The following CES2 variants were observed in gnomAD, a reference collection of about 807,000 sequenced individuals.
The protein encoded by CES2 is carboxylesterase 2.
A neutral mutation model predicts 52.1 loss-of-function variants in CES2; 42 were observed. The ratio of observed to expected loss-of-function variants is 0.81; its 90% CI spans 0.63 to 1.04. The LOEUF is 1.04. CES2 is among the 50% of genes least tolerant of loss of function. The pLI, the probability that CES2 is intolerant of heterozygous loss-of-function variation, is 0.00. For missense variants in CES2, 656 were observed against 724.3 expected, an observed-to-expected ratio of 0.91 and a Z score of 1.08; for synonymous variants, 277 against 289.6, an observed-to-expected ratio of 0.96 and a Z score of 0.44.
chr16:66,935,869 G>A, intron 1 of CES2, 158 bp downstream of exon 1: 6 of 1,494,784 alleles, frequency 4.0e-6, no homozygotes, highest in Non-Finnish European at 5.3e-6. Flanking sequence ...CCTCCCCGCC[G>A]CCCAAGGTGG....
chr16:66,941,863 G>T lies in CES2; in HGVS notation c.1137+15G>T. 6.2e-7 allele frequency: 1 copy of T among 1,614,046 alleles called. No individual in the cohort carries two copies. The highest frequency in any genetic ancestry group is 8.5e-7 in the Non-Finnish European group (1 of 1,180,004). On this transcript the variant is annotated intron_variant, in intron 8 of 11. Coordinates refer to ENST00000317091, the MANE Select transcript of CES2 (RefSeq NM_001365405.1). ...TAACGCTGCTGGTAAGGCTCCTGGG[G>T]TCCCTCGCCAATGGAGACGGGCTCC...
chr16:66,942,940 G>A lies in CES2; in HGVS notation c.1420+155G>A, dbSNP rs183622869. Among the ~76,000 whole-genome samples, 15 of 152,346 alleles carry A rather than the reference G, an allele frequency of 9.8e-5. No homozygotes were observed. In the South Asian group the frequency reaches 2.5e-3, roughly 25 times the overall value. ...TTTTATAGCTCCAAAAGCTGCACCA[G>A]GATTAGAATTCACGACTCTTCAGAC... On this transcript the variant is annotated intron_variant, in intron 10 of 11. Coordinates refer to ENST00000317091, the MANE Select transcript of CES2 (RefSeq NM_001365405.1).
At chr16:66,942,327 C>A in intron 9 of CES2, 78 bp downstream of exon 9, 1 of 1,463,454 alleles carries the variant, frequency 6.8e-7, no homozygotes, top group Non-Finnish European at 9.3e-7. Context: ...CTGCTGCTGT[C>A]CGGGTCAGCA....
chr16:66,939,827 G>A (rs752488940), intron 3 of CES2, among the ~76,000 whole-genome samples: 17 of 152,200 alleles, frequency 1.1e-4, no homozygotes, highest in Non-Finnish European at 1.9e-4. Context: ...TTAGCCTCCC[G>A]AGTAGCTGGG....
In CES2 at chr16:66,938,193, C is replaced by G. The variant is rs371028613; in HGVS notation, c.233C>G (p.Pro78Arg). 13 of 1,614,052 alleles carry G rather than the reference C, an allele frequency of 8.1e-6. No individual in the cohort carries two copies. The Middle Eastern group carries it at 9.9e-4, about 122-fold the overall frequency. ...CCGCTGCGATTTGCACCCCCTGAGC[C>G]CCCTGAATCTTGGAGTGGTGTGAGG... ...LGPLRFAPPE[P>R]PESWSGVRDG... Residue 78 changes from proline (P) to arginine (R), a missense_variant, in exon 2 of 12, where the codon CCC (proline) becomes CGC (arginine). Transcript: ENST00000317091.
Position 66,941,810 on chromosome 16 carries a change from G to A in CES2, c.1099G>A (p.Ala367Thr). Residue 367 changes from alanine to threonine, a missense_variant, in exon 8 of 12, where the codon GCC becomes ACC. Physicochemically the swap from Ala to Thr is moderately conservative, Grantham distance 58. Transcript: ENST00000317091. ...TACCCAGAAGGAAATGGACAGAGAG[G>A]CCTCCCAGGCTGCTCTGCAGAAAAT... ...YDTQKEMDRE[A>T]SQAALQKMLT... 6.2e-7 allele frequency: 1 copy of A among 1,614,136 alleles called. No individual in the cohort carries two copies. Among genetic ancestry groups the A allele is most frequent in the Non-Finnish European group, 8.5e-7 (1 of 1,180,016 alleles).
chr16:66,934,742 T>A, upstream of CES2: 1 of 214,112 alleles, frequency 4.7e-6, no homozygotes, highest in Non-Finnish European at 9.3e-6. The surrounding 1 kb of genome is among the most constrained non-coding windows in gnomAD (Gnocchi z 4.1). Flanking sequence ...GGACGGTTGG[T>A]CGCCTCTGGC....
chr16:66,939,084 A>G, intron 2 of CES2, 133 bp from the exon 3 acceptor site: 1 of 741,624 alleles, frequency 1.3e-6, no homozygotes, highest in Non-Finnish European at 2.2e-6. Context: ...GTGGGAAGGG[A>G]TTTTTGAGAG....
At position 66,944,291 on chromosome 16, in the gene CES2, A is replaced by T; in HGVS notation, c.*266A>T. On this transcript the variant is annotated 3_prime_UTR_variant, in exon 12 of 12. Coordinates refer to ENST00000317091, the MANE Select transcript of CES2 (RefSeq NM_001365405.1). ...TGAGACCGACCAGCCAGGGCAACAC[A>T]GTGAGACCCCTTCTCAAAAAAAAAA... The T allele has an allele frequency of 4.0e-6, 1 of 250,542 alleles. No homozygotes were observed. The highest frequency in any genetic ancestry group is 7.4e-6 in the Non-Finnish European group (1 of 135,222). 15.5% of individuals were successfully genotyped at this position (250,542 alleles called of 1,614,324 possible).
chr16:66,941,454 C>T (rs1963360923), intron 6 of CES2, 52 bp from the exon 7 acceptor site: 12 of 1,600,088 alleles, frequency 7.5e-6, no homozygotes, highest in South Asian at 2.2e-5. Context: ...CAGAGGGCAT[C>T]GGAAGATGTC....
intron 8 of CES2, 58 bp from the exon 9 acceptor site, chr16:66,942,047 C>T: frequency 6.4e-7 from 1 of 1,565,924 alleles, no homozygotes; most frequent in African/African-American, 1.3e-5. Flanking sequence ...CCGAGACCAC[C>T]TCCTCCCTGC....
chr16:66,936,673 T>A (rs1963223993), intron 1 of CES2, among the ~76,000 whole-genome samples: 1 of 152,160 alleles, frequency 6.6e-6, no homozygotes. Flanking sequence ...GGGGAGTGTT[T>A]CGGCCTTTGG....
chr16:66,943,990 C>A lies in CES2; in HGVS notation c.1645C>A (p.Leu549Ile), dbSNP rs1374486522. 1 of 1,580,722 alleles carries A rather than the reference C, an allele frequency of 6.3e-7. No homozygotes were observed. The highest frequency in any genetic ancestry group is 2.3e-5 in the East Asian group (1 of 43,468). Residue 549 changes from leucine (L) to isoleucine (I), a missense_variant, in exon 12 of 12, where the codon CTC (leucine) becomes ATC (isoleucine). By Grantham distance (5) the Leu-to-Ile change is conservative. Transcript: ENST00000317091. This position sits in a 1 kb window ranked among gnomAD's most constrained non-coding sequence, Gnocchi z 4.2. ...KKALPQKIQE[L>I]EEPEERHTEL ...GGCGCTGCCCCAAAAGATCCAGGAG[C>A]TCGAGGAGCCTGAAGAGAGACACAC... is the stretch of plus-strand genomic sequence containing the variant.
rs112445906 is a variant in CES2 at position 66,937,931 on chromosome 16, A to G, written c.77-106A>G. On this transcript the variant is annotated intron_variant, in intron 1 of 11. Coordinates refer to ENST00000317091, the MANE Select transcript of CES2 (RefSeq NM_001365405.1). ...TGTAAAGCCCATGTTTACAGATCAG[A>G]GTCCCTTGAGCTAAGATGAGGATGG... 468 of 872,304 alleles carry G rather than the reference A, an allele frequency of 5.4e-4. 5 individuals carry two copies. In the African/African-American group the frequency reaches 6.7e-3, roughly 13 times the overall value. 54.0% of individuals were successfully genotyped at this position (872,304 alleles called of 1,614,324 possible).
chr16:66,940,997 G>A, intron 5 of CES2, 127 bp from the exon 6 acceptor site: 1 of 1,338,318 alleles, frequency 7.5e-7, no homozygotes, highest in Non-Finnish European at 1.0e-6. Context: ...AACAGTGTCA[G>A]AACTGCAGGA....
intron 2 of CES2, 52 bp downstream of exon 2, chr16:66,938,293 G>C (rs1430953125): frequency 7.6e-7 from 1 of 1,313,602 alleles, no homozygotes; most frequent in Non-Finnish European, 1.1e-6. Context: ...CAGGGGTGGG[G>C]GTGCTCTGAG....
chr16:66,935,786 G>A (rs1963194390), intron 1 of CES2, 75 bp downstream of exon 1: 2 of 1,595,126 alleles, frequency 1.3e-6, no homozygotes, highest in Admixed American at 1.7e-5. Flanking sequence ...ACCTGACAGT[G>A]CGGGAGGGCA....
intron 1 of CES2, chr16:66,936,068 C>G (rs532806533): frequency 8.7e-7 from 1 of 1,145,880 alleles, no homozygotes; most frequent in East Asian, 4.9e-5. Context: ...CGGGTGCTGC[C>G]GGCCGGTAAT....
chr16:66,942,131 G>A lies in CES2; in HGVS notation c.1164G>A (p.Leu388=). 6.2e-7 allele frequency: 1 copy of A among 1,611,700 alleles called. No individual in the cohort carries two copies. The highest frequency in any genetic ancestry group is 8.5e-7 in the Non-Finnish European group (1 of 1,178,146). Residue 388 remains leucine (L), a synonymous_variant, in exon 9 of 12, where the codon CTG becomes CTA. Transcript: ENST00000317091. ...TGTTGCCTCCTACATTTGGTGACCT[G>A]CTGAGGGAGGAGTACATTGGGGACA... ...LLMLPPTFGD[L]LREEYIGDNG...
Sources: allele counts gnomAD v4.1 joint callset (sites outside exome capture counted in the v4.1 genomes callset), GRCh38; gene constraint gnomAD v4.1.1; non-coding constraint Gnocchi (gnomAD v3.1); transcripts MANE v1.5; gene names NCBI Gene and HGNC (gene_info 2026-07-23, HGNC 2026-07-21).